SLC38A7: variants seen among roughly 807,000 people sequenced by gnomAD.
The protein encoded by SLC38A7 is solute carrier family 38 member 7.
A neutral mutation model predicts 50.1 loss-of-function variants in SLC38A7; 29 were observed. That is an observed-to-expected ratio of 0.58 (90% CI 0.43 to 0.79). The LOEUF (loss-of-function observed/expected upper bound fraction) is 0.79. Ranked by LOEUF, SLC38A7 falls within the 30% of genes least tolerant of loss-of-function variation. The pLI is 0.00. For synonymous variants in SLC38A7, 244 were observed against 245.9 expected (o/e 0.99, Z 0.07); for missense variants, 483 against 610.6 (o/e 0.79, Z 2.20).
Position 58,671,053 on chromosome 16 carries a change from A to C in SLC38A7, c.1223T>G (p.Val408Gly). ...GCGCCAGGGGTCCGCACCTGGGAAG[A>C]CGAAGATGAAGCAGGCGGCCAGGCC... ...IGGLAACFIFVFPGLCLIQAK... is the reference protein window; with the variant it reads ...IGGLAACFIFGFPGLCLIQAK... Residue 408 changes from valine (V) to glycine (G), a missense_variant, in exon 10 of 12, where the codon GTC becomes GGC. Physicochemically the swap from Val to Gly is moderately radical, Grantham distance 109. Coordinates refer to ENST00000219320, the MANE Select transcript of SLC38A7 (RefSeq NM_018231.3). The C allele has an allele frequency of 6.3e-7, 1 of 1,598,780 alleles. No homozygotes were observed. Among genetic ancestry groups the C allele is most frequent in the African/African-American group, 1.3e-5 (1 of 74,544 alleles).
rs1191956826 is a variant in SLC38A7, at chr16:58,678,103, T to C, written c.611+230A>G. 6.6e-6 allele frequency among the ~76,000 whole-genome samples: 1 copy of C among 152,168 alleles called. No individual in the cohort carries two copies. Among genetic ancestry groups the C allele is most frequent in the East Asian group, 1.9e-4 (1 of 5,192 alleles). ...CACTTAGAACTGAACTACTCATGGATGCAAAAGGACATTTAGAACTGAATC... is the reference window on the plus strand; with the variant it reads ...CACTTAGAACTGAACTACTCATGGACGCAAAAGGACATTTAGAACTGAATC... On this transcript the variant is annotated intron_variant, in intron 5 of 11. Transcript: ENST00000219320. This position sits in a 1 kb window ranked among gnomAD's most constrained non-coding sequence, Gnocchi z 4.0.
rs2044311154 is a variant in SLC38A7, at chr16:58,678,270, C to T, written c.611+63G>A. 1.4e-6 allele frequency: 2 copies of T among 1,459,640 alleles called. No homozygotes were observed. The highest frequency in any genetic ancestry group is 2.5e-5 in the Admixed American group (1 of 40,752). The allele number at this position is 1,459,640 out of a possible 1,614,324, so 90.4% of individuals were successfully genotyped here. A position where few individuals can be genotyped will look rare whatever the true frequency, so the allele number is the denominator to read the frequency against. On this transcript the variant is annotated intron_variant, in intron 5 of 11. Coordinates refer to ENST00000219320, the MANE Select transcript of SLC38A7 (RefSeq NM_018231.3). This position sits in a 1 kb window ranked among gnomAD's most constrained non-coding sequence, Gnocchi z 4.0. ...ATGGAGGAGCAGGGTTCCCCAGGAG[C>T]CCTTGGGTCTACAGCTGCCCAGGAT...
chr16:58,682,135 C>T (rs560182944), intron 2 of SLC38A7, among the ~76,000 whole-genome samples: 18 of 152,112 alleles, frequency 1.2e-4, no homozygotes, highest in African/African-American at 2.9e-4. Flanking sequence ...CCAGTCTGGG[C>T]GACAGAGTGA....
intron 11 of SLC38A7, among the ~76,000 whole-genome samples, chr16:58,669,103 CTTTTTTTTTTTTTTT>C (rs71155293): frequency 1.3e-4 from 7 of 54,594 alleles, no homozygotes; most frequent in Admixed American, 1.1e-3. Context: ...GTTTGTATGG[CTTTTTTTTTTTTTTT>C]TTTTTTTTTT....
Position 58,677,574 on chromosome 16 carries a change from A to T in SLC38A7, c.612-150T>A, listed in dbSNP as rs978069117. The T allele has an allele frequency of 1.2e-5, 8 of 660,386 alleles. No individual in the cohort carries two copies. The African/African-American group carries it at 1.4e-4, about 12-fold the overall frequency. 40.9% of individuals were successfully genotyped at this position (660,386 alleles called of 1,614,324 possible). ...CAAGCAGACTCAGGAAACGCCTGAG[A>T]AGTAGTTTCAGAGAAACCTGCCACA... On this transcript the variant is annotated intron_variant, in intron 5 of 11. Coordinates refer to ENST00000219320, the MANE Select transcript of SLC38A7 (RefSeq NM_018231.3).
Position 58,677,052 on chromosome 16 carries a change from C to T in SLC38A7, c.710+274G>A, listed in dbSNP as rs980509406. 8.5e-5 allele frequency among the ~76,000 whole-genome samples: 13 copies of T among 152,234 alleles called. No homozygotes were observed. In the East Asian group the frequency reaches 1.9e-3, roughly 23 times the overall value. On this transcript the variant is annotated intron_variant, in intron 6 of 11. Transcript: ENST00000219320. ...CAGGCAATTCGACCCTGGGATTCCA[C>T]CCTCAGGTTCCTCCACAACCCAAGG...
Position 58,679,941 on chromosome 16 carries a change from G to A in SLC38A7, c.186C>T (p.Asn62=), listed in dbSNP as rs199555205. ...TGAGTAACCCTGCACCCAGGCACGC[G>A]TTGACGACGATGAAGATGGCCCCAA... is the stretch of plus-strand genomic sequence containing the variant. The part of the protein sequence containing the change: ...STLGAIFIVV[N]ACLGAGLLNF... The change falls in exon 3 of 12, where the codon AAC becomes AAT. Residue 62 remains asparagine, a synonymous_variant. Coordinates refer to ENST00000219320, the MANE Select transcript of SLC38A7 (RefSeq NM_018231.3). 90 of 1,611,722 alleles carry A rather than the reference G, an allele frequency of 5.6e-5. No homozygotes were observed. The highest frequency in any genetic ancestry group is 7.4e-5 in the Non-Finnish European group (87 of 1,178,556).
At chr16:58,675,572 A>G (rs2044248269) in intron 8 of SLC38A7, among the ~76,000 whole-genome samples, 1 of 152,118 alleles carries the variant, frequency 6.6e-6, no homozygotes, top group East Asian at 1.9e-4. Context: ...CACTGTCATC[A>G]GGATGCTTGC....
At chr16:58,679,462 T>G (rs28432917) in intron 3 of SLC38A7, 53 of 464,414 alleles carry the variant, frequency 1.1e-4, no homozygotes, top group Non-Finnish European at 2.3e-5. Context: ...AAATGATCAA[T>G]GCATGGCCAA....
intron 8 of SLC38A7, among the ~76,000 whole-genome samples, chr16:58,672,981 G>A (rs917985380): frequency 7.3e-5 from 11 of 151,364 alleles, no homozygotes; most frequent in Admixed American, 6.6e-5. Context: ...AGGCTGGCAC[G>A]CGGTGGCACG....
chr16:58,671,451 T>G (rs558643518), intron 9 of SLC38A7: 1 of 598,788 alleles, frequency 1.7e-6, no homozygotes, highest in African/African-American at 1.9e-5. Context: ...GCACTTTGCT[T>G]TACATCACAT....
rs1402515918 is a variant in SLC38A7, at chr16:58,678,413, C to T, written c.531G>A (p.Lys177=). The T allele has an allele frequency of 6.2e-7, 1 of 1,600,598 alleles. No individual in the cohort carries two copies. The highest frequency in any genetic ancestry group is 2.2e-5 in the East Asian group (1 of 44,654). ...GASGPWYTDR[K]FTISLTAFLF... is the part of the protein sequence containing the mutation. The stretch of plus-strand genomic sequence containing the variant: ...GGAAGGCAGTGAGGCTGATGGTGAA[C>T]TTGCGGTCTGTGTACCAAGGGCCGC... Residue 177 remains lysine (K), a synonymous_variant, in exon 5 of 12, where the codon AAG becomes AAA. Coordinates refer to ENST00000219320, the MANE Select transcript of SLC38A7 (RefSeq NM_018231.3). The surrounding 1 kb of genome is among the most constrained non-coding windows in gnomAD (Gnocchi z 4.0).
chr16:58,667,831 T>A (rs1166182953), intron 11 of SLC38A7, among the ~76,000 whole-genome samples: 1 of 152,178 alleles, frequency 6.6e-6, no homozygotes, highest in Non-Finnish European at 1.5e-5. Context: ...TCTGCAAATG[T>A]ATGTACCAAT....
intron 10 of SLC38A7, among the ~76,000 whole-genome samples, 165 bp downstream of exon 10, chr16:58,670,879 AG>A (rs2044145931): frequency 6.6e-6 from 1 of 152,134 alleles, no homozygotes; most frequent in Admixed American, 6.6e-5. Flanking sequence ...CCTTCTTTCC[AG>A]GAGATAATGC....
At position 58,670,942 on chromosome 16, in the gene SLC38A7, G is replaced by C; in HGVS notation, c.1231+103C>G. Reference sequence around the variant, plus strand: ...GACAGGTGATCAATTAGTGCTGGTGGTTACTCTCTCCTGCATGTTTTGAGC... The same window carrying C: ...GACAGGTGATCAATTAGTGCTGGTGCTTACTCTCTCCTGCATGTTTTGAGC... On this transcript the variant is annotated intron_variant, in intron 10 of 11. Coordinates refer to ENST00000219320, the MANE Select transcript of SLC38A7 (RefSeq NM_018231.3). 2.4e-6 allele frequency: 3 copies of C among 1,225,300 alleles called. No homozygotes were observed. In the South Asian group the frequency reaches 4.0e-5, roughly 16 times the overall value. The allele number at this position is 1,225,300 out of a possible 1,614,324, so 75.9% of individuals were successfully genotyped here.
intron 11 of SLC38A7, among the ~76,000 whole-genome samples, chr16:58,668,349 C>T (rs1342280194): frequency 4.7e-5 from 7 of 150,508 alleles, no homozygotes; most frequent in Non-Finnish European, 7.4e-5. Context: ...CCAAGGTGGG[C>T]GGATCACCTG....
At chr16:58,670,301 C>A (rs749967178) in intron 10 of SLC38A7, 134 bp from the exon 11 acceptor site, 7 of 774,500 alleles carry the variant, frequency 9.0e-6, no homozygotes, top group Non-Finnish European at 1.0e-5. Context: ...CCATCTCTGC[C>A]CCCACACCAC....
At position 58,678,647 on chromosome 16, in the gene SLC38A7, C is replaced by T. The variant is rs2044320207; in HGVS notation, c.469+49G>A. The T allele has an allele frequency of 5.0e-6, 8 of 1,602,966 alleles. No individual in the cohort carries two copies. Among genetic ancestry groups the T allele is most frequent in the Non-Finnish European group, 6.0e-6 (7 of 1,173,290 alleles). ...TGCCTTTTCCCTCCACCCCAGGATC[C>T]CTGGGGCTGATAAGAAGAGATGGGG... On this transcript the variant is annotated intron_variant, in intron 4 of 11. Coordinates refer to ENST00000219320, the MANE Select transcript of SLC38A7 (RefSeq NM_018231.3). The surrounding 1 kb of genome is among the most constrained non-coding windows in gnomAD (Gnocchi z 4.0).
At chr16:58,676,178 T>C in intron 7 of SLC38A7, 111 bp downstream of exon 7, 1 of 1,560,826 alleles carries the variant, frequency 6.4e-7, no homozygotes, top group South Asian at 1.1e-5. Flanking sequence ...TGTTCCATCC[T>C]TCCCCCCAGG....
Sources: gnomAD v4.1 joint callset for allele counts (sites outside exome capture counted in the v4.1 genomes callset) on GRCh38, gnomAD v4.1.1 for gene constraint, Gnocchi (gnomAD v3.1) non-coding constraint, MANE v1.5 for transcripts, NCBI Gene and HGNC (gene_info 2026-07-23, HGNC 2026-07-21) for gene names.